ABCG4: variants seen among roughly 807,000 people sequenced by gnomAD.
The protein encoded by ABCG4 is ATP-binding cassette sub-family G member 4.
In ABCG4, 35 loss-of-function variants were observed where a neutral mutation model predicts 64.6. The observed-to-expected ratio is 0.54, with a 90% CI of 0.41 to 0.72. The LOEUF is 0.72. Ranked by LOEUF, ABCG4 falls within the 30% of genes least tolerant of loss-of-function variation. The pLI, the probability that ABCG4 is intolerant of heterozygous loss-of-function variation, is 0.00. For synonymous variants in ABCG4, 326 were observed against 348.2 expected (o/e 0.94, Z 0.71); for missense variants, 610 against 846.3 (o/e 0.72, Z 3.46).
Position 119,154,994 on chromosome 11 carries a change from CA to C in ABCG4, c.686+80del. ...CCAGGGCTGGAGGCTGCATCTTCTC[CA>C]TGATCCAGAGCCTCTGTTCACAGCC... On this transcript the variant is annotated intron_variant, in intron 6 of 14. Coordinates refer to ENST00000619701, the MANE Select transcript of ABCG4 (RefSeq NM_022169.5). The surrounding 1 kb of genome is among the most constrained non-coding windows in gnomAD (Gnocchi z 7.0). The C allele has an allele frequency of 6.5e-7, 1 of 1,532,932 alleles. No individual in the cohort carries two copies. Among genetic ancestry groups the C allele is most frequent in the Non-Finnish European group, 8.8e-7 (1 of 1,131,990 alleles). The allele number at this position is 1,532,932 out of a possible 1,614,324, so 95.0% of individuals were successfully genotyped here.
In ABCG4 at chr11:119,161,282, G is replaced by T. The variant is rs1592310543; in HGVS notation, c.*176G>T. ...TGCGCTCCCAGCCTGGGCTCTGGGA[G>T]TGGGGGCTCCAGCCCTCCCCACTAT... On this transcript the variant is annotated 3_prime_UTR_variant, in exon 15 of 15. Transcript: ENST00000619701. The T allele has an allele frequency of 1.3e-5, 8 of 612,176 alleles. No individual in the cohort carries two copies. The East Asian group carries it at 2.0e-4, about 15-fold the overall frequency. The allele number at this position is 612,176 out of a possible 1,614,324, so 37.9% of individuals were successfully genotyped here.
chr11:119,154,695 C>G lies in ABCG4; in HGVS notation c.541-75C>G, dbSNP rs1450943455. On this transcript the variant is annotated intron_variant, in intron 5 of 14. Transcript: ENST00000619701. The surrounding 1 kb of genome is among the most constrained non-coding windows in gnomAD (Gnocchi z 7.0). ...CGAGACAATGCACTTAAGGGAGATG[C>G]TTTTTGAAGCTGGGGTGGTGCCTGG... 6.3e-7 allele frequency: 1 copy of G among 1,584,892 alleles called. No homozygotes were observed. The highest frequency in any genetic ancestry group is 1.3e-5 in the African/African-American group (1 of 74,212).
intron 2 of ABCG4, among the ~76,000 whole-genome samples, chr11:119,151,672 G>A (rs758630116): frequency 3.9e-5 from 6 of 152,166 alleles, no homozygotes; most frequent in Non-Finnish European, 8.8e-5. Context: ...AACCCTGTAA[G>A]TCCTTGGGAT....
intron 2 of ABCG4, among the ~76,000 whole-genome samples, chr11:119,152,567 C>T (rs577846401): frequency 1.3e-5 from 2 of 152,306 alleles, no homozygotes; most frequent in Admixed American, 6.5e-5. Flanking sequence ...ATTGGCACGT[C>T]CTCACCTATG....
chr11:119,160,300 T>C lies in ABCG4; in HGVS notation c.1511T>C (p.Leu504Pro), dbSNP rs2135130284. The change falls in exon 13 of 15, where the codon CTG becomes CCG. Residue 504 changes from leucine (L) to proline (P), a missense_variant. Physicochemically the swap from Leu to Pro is moderately conservative, Grantham distance 98. Transcript: ENST00000619701. The surrounding 1 kb of genome is among the most constrained non-coding windows in gnomAD (Gnocchi z 4.6). ...CAGCCCGCTGAGACCAGCCGCTTCC[T>C]GCTCTTCTCAGCCCTGGCCACCGCC... is the stretch of plus-strand genomic sequence containing the variant. ...TGQPAETSRF[L>P]LFSALATATA... is the part of the protein sequence containing the mutation. The C allele has an allele frequency of 6.2e-7, 1 of 1,613,962 alleles. No individual in the cohort carries two copies. The highest frequency in any genetic ancestry group is 2.2e-5 in the East Asian group (1 of 44,852).
rs775075804 is a variant in ABCG4 at position 119,160,988 on chromosome 11, C to T, written c.1823C>T (p.Ala608Val). The change falls in exon 15 of 15, where the codon GCG (alanine) becomes GTG (valine). Residue 608 changes from alanine to valine, a missense_variant. Physicochemically the swap from Ala to Val is moderately conservative, Grantham distance 64. Transcript: ENST00000619701. The surrounding 1 kb of genome is among the most constrained non-coding windows in gnomAD (Gnocchi z 4.6). ...PFREPQSILR[A>V]LDVEDAKLYM... Reference sequence around the variant, plus strand: ...CGGGAGCCACAGAGCATCCTCCGAGCGCTGGATGTGGAGGATGCCAAGCTC... The same window carrying T: ...CGGGAGCCACAGAGCATCCTCCGAGTGCTGGATGTGGAGGATGCCAAGCTC... The T allele has an allele frequency of 8.1e-6, 13 of 1,613,966 alleles. No individual in the cohort carries two copies. Among genetic ancestry groups the T allele is most frequent in the Admixed American group, 5.0e-5 (3 of 59,998 alleles).
At position 119,152,157 on chromosome 11, in the gene ABCG4, A is replaced by G. The variant is rs115989796; in HGVS notation, c.239-1869A>G. The stretch of plus-strand genomic sequence containing the variant: ...GTGCGCCACCAAATGTCTCTGATTG[A>G]TGGCGAGGAGGACTGAGGCAGAGGG... On this transcript the variant is annotated intron_variant, in intron 2 of 14. Coordinates refer to ENST00000619701, the MANE Select transcript of ABCG4 (RefSeq NM_022169.5). Among the ~76,000 whole-genome samples the G allele has an allele frequency of 6.0e-3, 915 of 152,310 alleles. 13 individuals are homozygous for G. The highest frequency in any genetic ancestry group is 0.019 in the African/African-American group (776 of 41,564).
At position 119,149,619 on chromosome 11, in the gene ABCG4, AGCCTCTGCCGGCT is replaced by A; in HGVS notation, c.-13+263_-13+275del. On this transcript the variant is annotated intron_variant, in intron 1 of 14. Transcript: ENST00000619701. This position sits in a 1 kb window ranked among gnomAD's most constrained non-coding sequence, Gnocchi z 8.3. ...GCTACCCCGACCTCCTAGAGCGGGC[AGCCTCTGCCGGCT>A]GCCTCTTCTCCCCCGCCCCCTATTC... 6.6e-6 allele frequency: 2 copies of A among 301,068 alleles called. No individual in the cohort carries two copies. The highest frequency in any genetic ancestry group is 1.3e-5 in the Non-Finnish European group (2 of 157,450). 18.6% of individuals were successfully genotyped at this position (301,068 alleles called of 1,614,324 possible).
At chr11:119,152,617 T>C (rs1350813735) in intron 2 of ABCG4, among the ~76,000 whole-genome samples, 1 of 152,208 alleles carries the variant, frequency 6.6e-6, no homozygotes, top group Non-Finnish European at 1.5e-5. Context: ...CCCTCCTTGG[T>C]GGCTTCATCC....
At chr11:119,159,585 C>G (rs1213198262) in intron 12 of ABCG4, among the ~76,000 whole-genome samples, 1 of 152,170 alleles carries the variant, frequency 6.6e-6, no homozygotes, top group Non-Finnish European at 1.5e-5. Context: ...ATATAAAGTA[C>G]TTAGAATAGT....
rs1592309766 is a variant in ABCG4 at position 119,160,534 on chromosome 11, C to A, written c.1597-4C>A. 1.2e-6 allele frequency: 2 copies of A among 1,609,720 alleles called. No homozygotes were observed. Among genetic ancestry groups the A allele is most frequent in the East Asian group, 4.5e-5 (2 of 44,868 alleles). On this transcript the variant is annotated splice_region_variant and splice_polypyrimidine_tract_variant and intron_variant, in intron 13 of 14. Transcript: ENST00000619701. This position sits in a 1 kb window ranked among gnomAD's most constrained non-coding sequence, Gnocchi z 4.6. ...ATGGCCTGGCCCCCTCCCTTCCCCT[C>A]TAGGTGGCCACTTTTGTGGGCCCAG... is the stretch of plus-strand genomic sequence containing the variant.
chr11:119,159,082 G>A (rs1367533730), intron 12 of ABCG4, among the ~76,000 whole-genome samples, 153 bp downstream of exon 12: 1 of 152,190 alleles, frequency 6.6e-6, no homozygotes, highest in Non-Finnish European at 1.5e-5. Flanking sequence ...CATAGCCCAG[G>A]CTCTGTACCA....
In ABCG4 at chr11:119,156,156, C is replaced by G; in HGVS notation, c.687-173C>G. 1.3e-6 allele frequency: 1 copy of G among 792,272 alleles called. No individual in the cohort carries two copies. Among genetic ancestry groups the G allele is most frequent in the Non-Finnish European group, 2.0e-6 (1 of 489,086 alleles). 49.1% of individuals were successfully genotyped at this position (792,272 alleles called of 1,614,324 possible). On this transcript the variant is annotated intron_variant, in intron 6 of 14. Coordinates refer to ENST00000619701, the MANE Select transcript of ABCG4 (RefSeq NM_022169.5). The surrounding 1 kb of genome is among the most constrained non-coding windows in gnomAD (Gnocchi z 5.5). ...TATGCTTATGAAACTGAACAGTGCT[C>G]TTGGCTTCTGGGTATCCCTCCAAGT...
rs747106207 is a variant in ABCG4, at chr11:119,160,868, C to T, written c.1716-13C>T. ...TGTGTGCTGTATCCCATCTGATATC[C>T]CTGCCTGCCTAGGTATGGCTTTGAG... On this transcript the variant is annotated splice_polypyrimidine_tract_variant and intron_variant, in intron 14 of 14. Coordinates refer to ENST00000619701, the MANE Select transcript of ABCG4 (RefSeq NM_022169.5). This position sits in a 1 kb window ranked among gnomAD's most constrained non-coding sequence, Gnocchi z 4.6. The T allele has an allele frequency of 6.2e-7, 1 of 1,610,964 alleles. No individual in the cohort carries two copies. The highest frequency in any genetic ancestry group is 2.2e-5 in the East Asian group (1 of 44,770).
In ABCG4 at chr11:119,155,257, G is replaced by A. The variant is rs1211304975; in HGVS notation, c.686+342G>A. 2.0e-5 allele frequency among the ~76,000 whole-genome samples: 3 copies of A among 152,212 alleles called. No homozygotes were observed. Among genetic ancestry groups the A allele is most frequent in the African/African-American group, 7.2e-5 (3 of 41,448 alleles). On this transcript the variant is annotated intron_variant, in intron 6 of 14. Transcript: ENST00000619701. This position sits in a 1 kb window ranked among gnomAD's most constrained non-coding sequence, Gnocchi z 4.5. Reference sequence around the variant, plus strand: ...TGATGTTAAGTTCAGGACAGCAACAGATTCTTATCTGCTTGTCTCCAGTGT... The same window carrying A: ...TGATGTTAAGTTCAGGACAGCAACAAATTCTTATCTGCTTGTCTCCAGTGT...
Position 119,156,921 on chromosome 11 carries a change from C to T in ABCG4, c.975C>T (p.Phe325=), listed in dbSNP as rs35763165. The stretch of plus-strand genomic sequence containing the variant: ...ATGGAGACCTGAACCCCATGTTGTT[C>T]AGGGCTGTGCAGAATGGGCTGTGCG... ...GEYGDLNPML[F]RAVQNGLCAM... The change falls in exon 9 of 15, where the codon TTC becomes TTT. Residue 325 remains phenylalanine (F), a synonymous_variant. Transcript: ENST00000619701. This position sits in a 1 kb window ranked among gnomAD's most constrained non-coding sequence, Gnocchi z 5.5. 2.4e-3 allele frequency: 3,885 copies of T among 1,613,906 alleles called. 70 individuals carry two copies. In the African/African-American group the frequency reaches 0.036, roughly 15 times the overall value.
In ABCG4 at chr11:119,154,133, G is replaced by C; in HGVS notation, c.346G>C (p.Ala116Pro). The part of the protein sequence containing the change: ...AGKSTFMNIL[A>P]GYRESGMKGQ... ...CAAGTCTACATTCATGAACATCTTGGCAGGATACAGGTAAGGAAGAGACTG... is the reference window on the plus strand; with the variant it reads ...CAAGTCTACATTCATGAACATCTTGCCAGGATACAGGTAAGGAAGAGACTG... Residue 116 changes from alanine to proline, a missense_variant, in exon 3 of 15, where the codon GCA becomes CCA. By Grantham distance (27) the Ala-to-Pro change is conservative. Coordinates refer to ENST00000619701, the MANE Select transcript of ABCG4 (RefSeq NM_022169.5). This position sits in a 1 kb window ranked among gnomAD's most constrained non-coding sequence, Gnocchi z 7.0. The C allele has an allele frequency of 6.2e-7, 1 of 1,614,140 alleles. No individual in the cohort carries two copies. The highest frequency in any genetic ancestry group is 8.5e-7 in the Non-Finnish European group (1 of 1,180,006).
rs1246671755 is a variant in ABCG4 at position 119,155,415 on chromosome 11, G to A, written c.686+500G>A. The stretch of plus-strand genomic sequence containing the variant: ...CGGCTCACTGCAACCTCTGACTCCC[G>A]GGTTCAAGCGATTCTCCTGCCTCAG... On this transcript the variant is annotated intron_variant, in intron 6 of 14. Transcript: ENST00000619701. The surrounding 1 kb of genome is among the most constrained non-coding windows in gnomAD (Gnocchi z 4.5). Among the ~76,000 whole-genome samples the A allele has an allele frequency of 6.6e-6, 1 of 152,096 alleles. No individual in the cohort carries two copies. The highest frequency in any genetic ancestry group is 2.4e-5 in the African/African-American group (1 of 41,400).
At position 119,161,203 on chromosome 11, in the gene ABCG4, C is replaced by A; in HGVS notation, c.*97C>A. 1 of 1,151,946 alleles carries A rather than the reference C, an allele frequency of 8.7e-7. No homozygotes were observed. Among genetic ancestry groups the A allele is most frequent in the Non-Finnish European group, 1.2e-6 (1 of 826,868 alleles). The allele number at this position is 1,151,946 out of a possible 1,614,324, so 71.4% of individuals were successfully genotyped here. On this transcript the variant is annotated 3_prime_UTR_variant, in exon 15 of 15. Transcript: ENST00000619701. ...AACCTTATAGACTTGGGCACTGGTT[C>A]CTGGCGGGGCTATCCTCTCCTCCCT... is the stretch of plus-strand genomic sequence containing the variant.
Sources: gnomAD v4.1 joint callset for allele counts (sites outside exome capture counted in the v4.1 genomes callset) on GRCh38, gnomAD v4.1.1 for gene constraint, Gnocchi (gnomAD v3.1) non-coding constraint, MANE v1.5 for transcripts, NCBI Gene and HGNC (gene_info 2026-07-23, HGNC 2026-07-21) for gene names.